The following ST6GALNAC2 variants were observed in gnomAD, a reference collection of about 807,000 sequenced individuals.
The protein encoded by ST6GALNAC2 is ST6 N-acetylgalactosaminide alpha-2,6-sialyltransferase 2.
In ST6GALNAC2, 42 loss-of-function variants were observed where a neutral mutation model predicts 38.7. That is an observed-to-expected ratio of 1.09 (90% CI 0.85 to 1.40). The LOEUF (loss-of-function observed/expected upper bound fraction) is 1.40, where lower values mean the gene tolerates loss of function less well. Among genes scored for constraint, ST6GALNAC2 ranks in the 40% most tolerant of loss-of-function variants. ST6GALNAC2 has a pLI of 0.00. For missense variants in ST6GALNAC2, 506 were observed against 481.7 expected (o/e 1.05, Z -0.47); for synonymous variants, 233 against 209.0 (o/e 1.11, Z -0.99).
intron 5 of ST6GALNAC2, among the ~76,000 whole-genome samples, chr17:76,572,172 G>C (rs2075359746): frequency 1.3e-5 from 2 of 152,110 alleles, no homozygotes; most frequent in African/African-American, 4.8e-5. Context: ...TGGTGACCGT[G>C]TGTGTGCCCT....
At chr17:76,568,595 T>C (rs1567926567) in intron 7 of ST6GALNAC2, 118 bp downstream of exon 7, 1 of 932,916 alleles carries the variant, frequency 1.1e-6, no homozygotes, top group Non-Finnish European at 1.7e-6. Flanking sequence ...CTCGGGACAG[T>C]GGAGCTCTGG....
rs538603490 is a variant in ST6GALNAC2, at chr17:76,573,850, C to T, written c.362-487G>A. Among the ~76,000 whole-genome samples the T allele has an allele frequency of 3.7e-4, 56 of 152,044 alleles. No homozygotes were observed. The highest frequency in any genetic ancestry group is 3.4e-3 in the Middle Eastern group (1 of 294). ...CTGAGGCACAAGAATCACTTGAACC[C>T]GGGAGGCGGAGGTTGTAGTGAGCTG... On this transcript the variant is annotated intron_variant, in intron 3 of 8. Coordinates refer to ENST00000225276, the MANE Select transcript of ST6GALNAC2 (RefSeq NM_006456.3). This position sits in a 1 kb window ranked among gnomAD's most constrained non-coding sequence, Gnocchi z 5.1.
rs984149875 is a variant in ST6GALNAC2 at position 76,585,668 on chromosome 17, G to T, written c.125+16C>A. 5 of 1,517,012 alleles carry T rather than the reference G, an allele frequency of 3.3e-6. No individual in the cohort carries two copies. The highest frequency in any genetic ancestry group is 4.0e-5 in the Admixed American group (2 of 49,580). The allele number at this position is 1,517,012 out of a possible 1,614,324, so 94.0% of individuals were successfully genotyped here. The stretch of plus-strand genomic sequence containing the variant: ...TCGCCCCTGCGCCCTCCCGCTCTGC[G>T]CTCGGCAGCCCCTACCTGGCTCCGG... On this transcript the variant is annotated intron_variant, in intron 1 of 8. Transcript: ENST00000225276.
chr17:76,577,546 G>T (rs1567932624), intron 2 of ST6GALNAC2, among the ~76,000 whole-genome samples: 1 of 151,352 alleles, frequency 6.6e-6, no homozygotes, highest in Non-Finnish European at 1.5e-5. Flanking sequence ...TCTTCAGCCT[G>T]CCGGCCAAGT....
intron 1 of ST6GALNAC2, among the ~76,000 whole-genome samples, chr17:76,581,241 C>T (rs2075471560): frequency 6.6e-6 from 1 of 152,178 alleles, no homozygotes; most frequent in African/African-American, 2.4e-5. Flanking sequence ...GTCCACTTGT[C>T]TGCCCACATA....
At chr17:76,582,386 T>TGCCCAGTC (rs71158027) in intron 1 of ST6GALNAC2, among the ~76,000 whole-genome samples, 2 of 139,842 alleles carry the variant, frequency 1.4e-5, no homozygotes, top group African/African-American at 2.7e-5. Flanking sequence ...TTTGCCATGT[T>TGCCCAGTC]TCAAACTCCT....
intron 7 of ST6GALNAC2, chr17:76,568,324 G>C (rs2075309378): frequency 8.3e-6 from 2 of 241,950 alleles, no homozygotes; most frequent in South Asian, 1.3e-4. Flanking sequence ...GGAGGGAAGG[G>C]GGTTGAGGCT....
chr17:76,575,868 G>C (rs1375065543), intron 2 of ST6GALNAC2, among the ~76,000 whole-genome samples: 1 of 152,230 alleles, frequency 6.6e-6, no homozygotes, highest in Non-Finnish European at 1.5e-5. Context: ...GACAAAGCAG[G>C]AAATAGCTGT....
intron 5 of ST6GALNAC2, among the ~76,000 whole-genome samples, chr17:76,571,971 A>G (rs562968651): frequency 6.6e-6 from 1 of 152,238 alleles, no homozygotes; most frequent in East Asian, 1.9e-4. Context: ...GGCTATTGTG[A>G]GATTTCAAGA....
Position 76,566,070 on chromosome 17 carries a change from C to A in ST6GALNAC2, c.*34G>T. 1 of 1,591,672 alleles carries A rather than the reference C, an allele frequency of 6.3e-7. No homozygotes were observed. Among genetic ancestry groups the A allele is most frequent in the Non-Finnish European group, 8.6e-7 (1 of 1,169,100 alleles). On this transcript the variant is annotated 3_prime_UTR_variant, in exon 9 of 9. Transcript: ENST00000225276. ...CCACTTGAGAGGATCAGGGCCGCAACTCTTGAAGAAGCAAAGGGCTCAGTG... is the reference window on the plus strand; with the variant it reads ...CCACTTGAGAGGATCAGGGCCGCAAATCTTGAAGAAGCAAAGGGCTCAGTG...
At chr17:76,572,843 C>T (rs1338185250) in intron 4 of ST6GALNAC2, 68 bp from the exon 5 acceptor site, 196 of 1,580,810 alleles carry the variant, frequency 1.2e-4, no homozygotes, top group Non-Finnish European at 1.6e-4. Flanking sequence ...TCCATCTCCA[C>T]GGCTCTGCCT....
At chr17:76,577,524 GCTCAAGGCCTCTC>G (rs1156794653) in intron 2 of ST6GALNAC2, among the ~76,000 whole-genome samples, 2 of 151,564 alleles carry the variant, frequency 1.3e-5, no homozygotes, top group African/African-American at 4.8e-5. Flanking sequence ...CTCCTAAGGT[GCTCAAGGCCTCTC>G]TTCAGCCTGC....
At chr17:76,577,221 C>CATG (rs755349530) in intron 2 of ST6GALNAC2, among the ~76,000 whole-genome samples, 86 of 151,660 alleles carry the variant, frequency 5.7e-4, no homozygotes, top group Admixed American at 2.4e-3. Context: ...CGCCTGCCAC[C>CATG]ATGCCTGGCT....
Position 76,573,678 on chromosome 17 carries a change from A to G in ST6GALNAC2, c.362-315T>C, listed in dbSNP as rs1274849293. ...CACGGTGGCTCACACCTGTAATACCAGAACTTTGGAAGGGTGAGGTGGGTG... is the reference window on the plus strand; with the variant it reads ...CACGGTGGCTCACACCTGTAATACCGGAACTTTGGAAGGGTGAGGTGGGTG... On this transcript the variant is annotated intron_variant, in intron 3 of 8. Coordinates refer to ENST00000225276, the MANE Select transcript of ST6GALNAC2 (RefSeq NM_006456.3). The surrounding 1 kb of genome is among the most constrained non-coding windows in gnomAD (Gnocchi z 5.1). Among the ~76,000 whole-genome samples the G allele has an allele frequency of 6.6e-6, 1 of 152,234 alleles. No individual in the cohort carries two copies. The highest frequency in any genetic ancestry group is 2.4e-5 in the African/African-American group (1 of 41,462).
intron 2 of ST6GALNAC2, among the ~76,000 whole-genome samples, chr17:76,577,299 C>T (rs932670233): frequency 6.6e-6 from 1 of 151,668 alleles, no homozygotes; most frequent in Non-Finnish European, 1.5e-5. Context: ...AACTCCTGAT[C>T]TCAGGTGATC....
At chr17:76,583,869 G>A (rs1222295302) in intron 1 of ST6GALNAC2, among the ~76,000 whole-genome samples, 21 of 148,844 alleles carry the variant, frequency 1.4e-4, no homozygotes, top group Non-Finnish European at 2.5e-4. Flanking sequence ...GTGCAGTGGC[G>A]CGATCTTGGC....
intron 2 of ST6GALNAC2, among the ~76,000 whole-genome samples, chr17:76,577,891 G>A (rs1310831960): frequency 1.3e-5 from 2 of 152,094 alleles, no homozygotes; most frequent in Non-Finnish European, 2.9e-5. Context: ...TCCTAAGACA[G>A]GGCCCCCATC....
At position 76,570,587 on chromosome 17, in the gene ST6GALNAC2, C is replaced by A; in HGVS notation, c.751G>T (p.Glu251Ter). ...CACCTGTCCCCTTTATCTAGGCCCT[C>A]AGGGACAGGCACGCCCAGAATGGCC... ...RSAILGVPVP[E>*]GLDKGDRPHA... The change falls in exon 6 of 9, where the codon GAG becomes TAG. Residue 251 changes from glutamate to a stop codon, truncating the protein, a stop_gained. Coordinates refer to ENST00000225276, the MANE Select transcript of ST6GALNAC2 (RefSeq NM_006456.3). LOFTEE classifies it high-confidence loss of function. 1 of 1,612,716 alleles carries A rather than the reference C, an allele frequency of 6.2e-7. No homozygotes were observed. Among genetic ancestry groups the A allele is most frequent in the South Asian group, 1.1e-5 (1 of 90,730 alleles).
Position 76,570,644 on chromosome 17 carries a change from A to C in ST6GALNAC2, c.694T>G (p.Ser232Ala). 1.2e-6 allele frequency: 2 copies of C among 1,612,640 alleles called. No individual in the cohort carries two copies. The highest frequency in any genetic ancestry group is 1.7e-6 in the Non-Finnish European group (2 of 1,179,560). ...GQDLQYIFIP[S>A]DIRDYVMLRS... ...AGCATCACATAGTCGCGGATGTCTGAGGGGATGAAGATATACTGCAGGTCC... is the reference window on the plus strand; with the variant it reads ...AGCATCACATAGTCGCGGATGTCTGCGGGGATGAAGATATACTGCAGGTCC... Residue 232 changes from serine to alanine, a missense_variant, in exon 6 of 9, where the codon TCA becomes GCA. Physicochemically the swap from Ser to Ala is moderately conservative, Grantham distance 99. Coordinates refer to ENST00000225276, the MANE Select transcript of ST6GALNAC2 (RefSeq NM_006456.3).
Sources: allele counts gnomAD v4.1 joint callset (sites outside exome capture counted in the v4.1 genomes callset), GRCh38; gene constraint gnomAD v4.1.1; non-coding constraint Gnocchi (gnomAD v3.1); transcripts MANE v1.5; gene names NCBI Gene and HGNC (gene_info 2026-07-23, HGNC 2026-07-21).